The following PIK3CB variants were observed in gnomAD, a reference collection of about 807,000 sequenced individuals.
PIK3CB encodes phosphatidylinositol 4,5-bisphosphate 3-kinase catalytic subunit beta isoform.
PIK3CB carries 39 observed loss-of-function variants against 136.8 expected under a neutral mutation model. The ratio of observed to expected loss-of-function variants is 0.29; its 90% confidence interval spans 0.22 to 0.37. The LOEUF (loss-of-function observed/expected upper bound fraction) is 0.37. PIK3CB is among the 10% of genes least tolerant of loss of function. The probability of loss-of-function intolerance (pLI) is 1.00; values close to 1 mark genes in which losing one functional copy is unlikely to be tolerated. For missense variants in PIK3CB, 868 were observed against 1,275.4 expected (o/e 0.68, Z 4.87); for synonymous variants, 428 against 436.6 (o/e 0.98, Z 0.25).
At chr3:138,728,909 G>A (rs1309901976) in intron 8 of PIK3CB, among the ~76,000 whole-genome samples, 1 of 151,920 alleles carries the variant, frequency 6.6e-6, no homozygotes, top group African/African-American at 2.4e-5. Context: ...CTTGAATAAG[G>A]GGCATCTATG....
At chr3:138,760,477 C>A (rs550437546) in intron 2 of PIK3CB, among the ~76,000 whole-genome samples, 1 of 152,212 alleles carries the variant, frequency 6.6e-6, no homozygotes, top group East Asian at 1.9e-4. Context: ...TTTAATAGTG[C>A]CATTTAAGTC....
At position 138,684,673 on chromosome 3, in the gene PIK3CB, G is replaced by C. The variant is rs2043847071; in HGVS notation, c.2267C>G (p.Ser756Cys). Reference protein sequence around the residue: ...LKQSAYREALSDLQSPLNPCV... With the variant: ...LKQSAYREALCDLQSPLNPCV... Reference sequence around the variant, plus strand: ...TGGGTTCAGGGGTGACTGCAGGTCAGAGAGGGCTTCCCGGTAAGCACTCTG... The same window carrying C: ...TGGGTTCAGGGGTGACTGCAGGTCACAGAGGGCTTCCCGGTAAGCACTCTG... The change falls in exon 17 of 24, where the codon TCT becomes TGT. Residue 756 changes from serine (S) to cysteine (C), a missense_variant. By Grantham distance (112) the Ser-to-Cys change is moderately radical. Coordinates refer to ENST00000674063, the MANE Select transcript of PIK3CB (RefSeq NM_006219.3). 3 of 1,614,010 alleles carry C rather than the reference G, an allele frequency of 1.9e-6. No individual in the cohort carries two copies. The highest frequency in any genetic ancestry group is 2.5e-6 in the Non-Finnish European group (3 of 1,179,906).
chr3:138,698,980 C>T lies in PIK3CB; in HGVS notation c.1697G>A (p.Arg566Gln), dbSNP rs547624936. The T allele has an allele frequency of 4.4e-6, 7 of 1,605,590 alleles. No homozygotes were observed. The highest frequency in any genetic ancestry group is 2.2e-5 in the East Asian group (1 of 44,720). The change falls in exon 13 of 24, where the codon CGA becomes CAA. Residue 566 changes from arginine to glutamine, a missense_variant. Arg to Gln is a conservative substitution (Grantham distance 43). Transcript: ENST00000674063. ...DLIWTLRQDC[R>Q]EIFPQSLPKL... ...TGGCAGTGATTGTGGGAAAATCTCT[C>T]GGCAGTCTTGTCGCAAAGTCCAAAT...
At chr3:138,663,269 A>G (rs190225737) in intron 21 of PIK3CB, among the ~76,000 whole-genome samples, 1 of 152,356 alleles carries the variant, frequency 6.6e-6, no homozygotes, top group East Asian at 1.9e-4. Context: ...AGCATTGGTA[A>G]TCTTTAAATT....
chr3:138,783,921 C>T (rs2045946871), intron 2 of PIK3CB, among the ~76,000 whole-genome samples: 1 of 152,056 alleles, frequency 6.6e-6, no homozygotes, highest in African/African-American at 2.4e-5. Flanking sequence ...GCCCAAATAA[C>T]CCATAAACAT....
At chr3:138,820,718 T>TACTG (rs1300047018) in intron 1 of PIK3CB, among the ~76,000 whole-genome samples, 1 of 152,044 alleles carries the variant, frequency 6.6e-6, no homozygotes, top group Non-Finnish European at 1.5e-5. Context: ...AGTCTAGAAC[T>TACTG]ACTGACTTCA....
chr3:138,658,773 G>C (rs143809626), intron 21 of PIK3CB, among the ~76,000 whole-genome samples: 4 of 151,960 alleles, frequency 2.6e-5, no homozygotes, highest in Non-Finnish European at 5.9e-5. Context: ...AAAACTGTAC[G>C]CATGTATTCA....
In PIK3CB at chr3:138,712,294, A is replaced by G. The variant is rs760074020; in HGVS notation, c.1313T>C (p.Val438Ala). The G allele has an allele frequency of 6.5e-7, 1 of 1,539,382 alleles. No homozygotes were observed. Among genetic ancestry groups the G allele is most frequent in the South Asian group, 1.2e-5 (1 of 83,730 alleles). The change falls in exon 10 of 24, where the codon GTA becomes GCA. Residue 438 changes from valine to alanine, a missense_variant. Physicochemically the swap from Val to Ala is moderately conservative, Grantham distance 64. This residue lies in a region of PIK3CB where 612 missense variants were observed against 801.1 expected (regional missense o/e 0.76). Transcript: ENST00000674063. ...AAAAACCATCGTATTTACCCACGCT[A>G]CAGGATAATGCTGTTGAAAAAGATA... is the stretch of plus-strand genomic sequence containing the variant. ...IRKAGKVHYP[V>A]AWVNTMVFDF...
chr3:138,732,338 C>A (rs1169043843), intron 8 of PIK3CB, among the ~76,000 whole-genome samples: 6 of 152,086 alleles, frequency 3.9e-5, no homozygotes. Context: ...TTCACAGCCT[C>A]ACCCACTTGT....
chr3:138,656,307 G>A (rs1444644929), intron 22 of PIK3CB, 33 bp from the exon 23 acceptor site: 2 of 1,611,530 alleles, frequency 1.2e-6, no homozygotes, highest in Non-Finnish European at 1.7e-6. Context: ...CATGAGCACA[G>A]TGTTAGAGGG....
In PIK3CB at chr3:138,685,900, A is replaced by T. The variant is rs2595930; in HGVS notation, c.2137-1097T>A. ...GTCTGTAATCCCAGCACTTTGGGAA[A>T]CTGAGGCAAGTGGATGAGTTGAGGC... On this transcript the variant is annotated intron_variant, in intron 16 of 23. Coordinates refer to ENST00000674063, the MANE Select transcript of PIK3CB (RefSeq NM_006219.3). 3.8e-3 allele frequency among the ~76,000 whole-genome samples: 580 copies of T among 152,014 alleles called. 5 individuals carry two copies. Among genetic ancestry groups the T allele is most frequent in the African/African-American group, 0.013 (557 of 41,436 alleles).
At chr3:138,731,925 G>T (rs889823310) in intron 8 of PIK3CB, among the ~76,000 whole-genome samples, 1 of 151,894 alleles carries the variant, frequency 6.6e-6, no homozygotes, top group African/African-American at 2.4e-5. Flanking sequence ...AGAGGTTGCA[G>T]TGAGCCGAGT....
chr3:138,747,090 A>ATATATATC, intron 4 of PIK3CB, among the ~76,000 whole-genome samples: 2 of 76,276 alleles, frequency 2.6e-5, no homozygotes, highest in African/African-American at 5.6e-5. Flanking sequence ...ATATATATAT[A>ATATATATC]TATATATATA....
At chr3:138,745,679 A>T (rs2045340899) in intron 4 of PIK3CB, among the ~76,000 whole-genome samples, 3 of 152,146 alleles carry the variant, frequency 2.0e-5, no homozygotes. Context: ...CTGACTTCAG[A>T]ACAAAGCAGT....
chr3:138,799,625 A>T (rs1028017380), intron 1 of PIK3CB, among the ~76,000 whole-genome samples: 1 of 151,950 alleles, frequency 6.6e-6, no homozygotes, highest in Middle Eastern at 3.4e-3. Flanking sequence ...GACCTACCCT[A>T]TATGATCTGG....
At chr3:138,670,245 G>T (rs1277451796) in intron 19 of PIK3CB, among the ~76,000 whole-genome samples, 2 of 152,158 alleles carry the variant, frequency 1.3e-5, no homozygotes, top group African/African-American at 4.8e-5. Flanking sequence ...TAGGCTGATG[G>T]AACTAAGAAT....
rs972792729 is a variant in PIK3CB, at chr3:138,805,632, A to G, written c.-121-9065T>C. Among the ~76,000 whole-genome samples the G allele has an allele frequency of 5.9e-5, 9 of 151,970 alleles. No individual in the cohort carries two copies. In the East Asian group the frequency reaches 1.8e-3, roughly 30 times the overall value. On this transcript the variant is annotated intron_variant, in intron 1 of 23. Coordinates refer to ENST00000674063, the MANE Select transcript of PIK3CB (RefSeq NM_006219.3). ...GCTTGCAGTGAGCCAAGATTGCGCC[A>G]CAGCACTCCAGCCTGGGCCACAGAG...
chr3:138,774,869 A>G (rs1246761602), intron 2 of PIK3CB, among the ~76,000 whole-genome samples: 1 of 152,222 alleles, frequency 6.6e-6, no homozygotes, highest in Admixed American at 6.5e-5. Flanking sequence ...ATAAGTCATA[A>G]TATGTAAAAA....
At chr3:138,736,983 C>T (rs569870415) in intron 6 of PIK3CB, among the ~76,000 whole-genome samples, 1 of 152,128 alleles carries the variant, frequency 6.6e-6, no homozygotes, top group South Asian at 2.1e-4. Flanking sequence ...ACTTTACCTC[C>T]CCCAGAATAT....
Sources: allele counts gnomAD v4.1 joint callset (sites outside exome capture counted in the v4.1 genomes callset), GRCh38; gene constraint gnomAD v4.1.1; regional missense constraint gnomAD v4.1.1; transcripts MANE v1.5; gene names NCBI Gene and HGNC (gene_info 2026-07-23, HGNC 2026-07-21).